HUNK: variants seen among roughly 807,000 people sequenced by gnomAD.
HUNK encodes hormonally up-regulated Neu-associated kinase, also known as hormonally up-regulated neu tumor-associated kinase.
A neutral mutation model predicts 61.0 loss-of-function variants in HUNK; 21 were observed. That is an observed-to-expected ratio of 0.34 (90% CI 0.24 to 0.50). The LOEUF is 0.50. Among genes scored for constraint, HUNK ranks in the 20% least tolerant of loss-of-function variants. The probability of loss-of-function intolerance (pLI) is 0.98; values close to 1 mark genes in which losing one functional copy is unlikely to be tolerated. For missense variants in HUNK, 772 were observed against 945.7 expected (o/e 0.82, Z 2.41); for synonymous variants, 371 against 386.1 (o/e 0.96, Z 0.46).
In HUNK at chr21:31,910,490, C is replaced by CT. The variant is rs34782673; in HGVS notation, c.262-13962dup. On this transcript the variant is annotated intron_variant, in intron 1 of 10. Transcript: ENST00000270112. ...CTGCAGGGATTGGTTTCAGGATATC[C>CT]TTTTTTTTTTTTTTTTGAGACTGAG... Among the ~76,000 whole-genome samples the CT allele has an allele frequency of 4.9e-3, 668 of 136,668 alleles. 1 individual carries two copies. Among genetic ancestry groups the CT allele is most frequent in the South Asian group, 0.015 (62 of 4,132 alleles). 89.7% of individuals were successfully genotyped at this position (136,668 alleles called of 152,430 possible).
intron 3 of HUNK, among the ~76,000 whole-genome samples, chr21:31,943,206 T>A (rs2052780606): frequency 6.6e-6 from 1 of 152,224 alleles, no homozygotes; most frequent in African/African-American, 2.4e-5. Context: ...TAACTAGAAT[T>A]ACCAGGAGTA....
chr21:31,932,091 G>A lies in HUNK; in HGVS notation c.554+7331G>A, dbSNP rs544809693. On this transcript the variant is annotated intron_variant, in intron 2 of 10. Transcript: ENST00000270112. ...CACGTACACTCATGCTCTCCCCCAC[G>A]TGCATGCACATACGTGCACATAGTC... Among the ~76,000 whole-genome samples the A allele has an allele frequency of 3.9e-5, 6 of 152,126 alleles. No individual in the cohort carries two copies. In the South Asian group the frequency reaches 6.2e-4, roughly 16 times the overall value.
At chr21:31,900,882 C>G (rs78690079) in intron 1 of HUNK, among the ~76,000 whole-genome samples, 1 of 152,092 alleles carries the variant, frequency 6.6e-6, no homozygotes, top group Non-Finnish European at 1.5e-5. Context: ...CTTAGAACAA[C>G]GGAAACTGTC....
chr21:31,945,103 G>T (rs928818917), intron 3 of HUNK, among the ~76,000 whole-genome samples: 3 of 152,144 alleles, frequency 2.0e-5, no homozygotes, highest in African/African-American at 7.2e-5. Context: ...CCTGCAGCCC[G>T]AGTCTTCTGT....
At chr21:31,934,614 GT>G (rs2052720147) in intron 2 of HUNK, among the ~76,000 whole-genome samples, 1 of 152,106 alleles carries the variant, frequency 6.6e-6, no homozygotes, top group Non-Finnish European at 1.5e-5. Context: ...CCCAGGTACT[GT>G]GCATAGTACC....
Position 31,873,473 on chromosome 21 carries a change from C to A in HUNK, c.-202C>A. On this transcript the variant is annotated 5_prime_UTR_variant, in exon 1 of 11. In the 5' UTR this introduces an upstream ATG that the reference lacks. Transcript: ENST00000270112. This position sits in a 1 kb window ranked among gnomAD's most constrained non-coding sequence, Gnocchi z 6.1. ...GGCGGGGTCCCCGGTCCCGCGTCCC[C>A]TGGGCAGCCGCTATTGTCTACGCGC... The A allele has an allele frequency of 4.4e-6, 1 of 225,482 alleles. No homozygotes were observed. Among genetic ancestry groups the A allele is most frequent in the Non-Finnish European group, 7.4e-6 (1 of 135,314 alleles). 14.0% of individuals were successfully genotyped at this position (225,482 alleles called of 1,614,324 possible). A position where few individuals can be genotyped will look rare whatever the true frequency, so the allele number is the denominator to read the frequency against.
chr21:31,937,749 A>G (rs971702901), intron 2 of HUNK, among the ~76,000 whole-genome samples: 1 of 152,246 alleles, frequency 6.6e-6, no homozygotes, highest in African/African-American at 2.4e-5. Context: ...ATCAACAGTC[A>G]TTTAATAATT....
Position 31,974,709 on chromosome 21 carries a change from T to A in HUNK, c.1165T>A (p.Leu389Met). 6.2e-7 allele frequency: 1 copy of A among 1,613,324 alleles called. No individual in the cohort carries two copies. The highest frequency in any genetic ancestry group is 8.5e-7 in the Non-Finnish European group (1 of 1,179,638). ...FLLNKKLERY[L>M]SGKSDIQDSL... ...CTTAAACAAGAAACTGGAGCGCTATTTGTCAGGGGTAAGTGCGACCCTAGA... is the reference window on the plus strand; with the variant it reads ...CTTAAACAAGAAACTGGAGCGCTATATGTCAGGGGTAAGTGCGACCCTAGA... Residue 389 changes from leucine to methionine, a missense_variant, in exon 7 of 11, where the codon TTG (leucine) becomes ATG (methionine). Leu to Met is a conservative substitution (Grantham distance 15). This residue lies in a region of HUNK where 413 missense variants were observed against 444.4 expected (regional missense o/e 0.93). Transcript: ENST00000270112.
intron 7 of HUNK, among the ~76,000 whole-genome samples, chr21:31,979,104 A>G (rs1007087217): frequency 3.6e-5 from 3 of 82,784 alleles, no homozygotes; most frequent in African/African-American, 1.9e-4. Context: ...CCTATTGGCC[A>G]TTTCTTTTTT....
intron 1 of HUNK, among the ~76,000 whole-genome samples, chr21:31,913,689 G>C (rs73361270): frequency 1.3e-5 from 2 of 151,700 alleles, no homozygotes; most frequent in African/African-American, 4.9e-5. Flanking sequence ...GGCACTCATG[G>C]GCAGATGGAC....
chr21:32,000,535 C>T lies in HUNK; in HGVS notation c.*1351C>T, dbSNP rs375636473. 1.3e-5 allele frequency: 5 copies of T among 399,264 alleles called. No homozygotes were observed. The highest frequency in any genetic ancestry group is 7.1e-5 in the East Asian group (2 of 28,082). 24.7% of individuals were successfully genotyped at this position (399,264 alleles called of 1,614,324 possible). A position where few individuals can be genotyped will look rare whatever the true frequency, so the allele number is the denominator to read the frequency against. On this transcript the variant is annotated 3_prime_UTR_variant, in exon 11 of 11. Transcript: ENST00000270112. ...GAAGAATCAGAAAAAGAAGACCCATCAGCACAGGTTGGATAGGGGTTAGTG... is the reference window on the plus strand; with the variant it reads ...GAAGAATCAGAAAAAGAAGACCCATTAGCACAGGTTGGATAGGGGTTAGTG...
intron 7 of HUNK, among the ~76,000 whole-genome samples, chr21:31,976,134 G>A (rs1718692951): frequency 6.6e-6 from 1 of 152,056 alleles, no homozygotes; most frequent in African/African-American, 2.4e-5. Flanking sequence ...ATGTTTTATG[G>A]GGGAAAAAAC....
chr21:31,958,785 A>C (rs746267168), intron 4 of HUNK, 58 bp from the exon 5 acceptor site: 1,624 of 1,493,888 alleles, frequency 1.1e-3, no homozygotes, highest in Non-Finnish European at 1.3e-3. Flanking sequence ...CCGTGTCCCC[A>C]GTCTTCCCCT....
intron 1 of HUNK, among the ~76,000 whole-genome samples, chr21:31,918,876 G>A (rs2052603095): frequency 2.0e-5 from 3 of 152,170 alleles, no homozygotes; most frequent in Admixed American, 6.5e-5. Flanking sequence ...GCCATTTTTC[G>A]ACTTACCACA....
chr21:31,916,813 A>T (rs1324684815), intron 1 of HUNK, among the ~76,000 whole-genome samples: 4 of 151,832 alleles, frequency 2.6e-5, no homozygotes, highest in Admixed American at 2.6e-4. Flanking sequence ...AGTAGCTGGG[A>T]CTACAGGCAT....
intron 1 of HUNK, among the ~76,000 whole-genome samples, chr21:31,906,950 G>A (rs1387683820): frequency 6.6e-6 from 1 of 152,106 alleles, no homozygotes; most frequent in Non-Finnish European, 1.5e-5. Flanking sequence ...CAAGGTGGGT[G>A]GATCACCTGA....
chr21:31,897,228 G>A (rs1181716804), intron 1 of HUNK, among the ~76,000 whole-genome samples: 2 of 151,486 alleles, frequency 1.3e-5, no homozygotes, highest in Non-Finnish European at 2.9e-5. Context: ...TGGGTTGACA[G>A]AGCAAGACCC....
intron 1 of HUNK, among the ~76,000 whole-genome samples, chr21:31,880,511 G>A (rs1163084484): frequency 6.6e-6 from 1 of 152,128 alleles, no homozygotes; most frequent in Non-Finnish European, 1.5e-5. Flanking sequence ...TGACTGCAGC[G>A]CTCTGTCTCT....
At chr21:31,903,533 T>G (rs1190580601) in intron 1 of HUNK, among the ~76,000 whole-genome samples, 1 of 152,214 alleles carries the variant, frequency 6.6e-6, no homozygotes, top group Non-Finnish European at 1.5e-5. Context: ...AAAAATTACC[T>G]TTACAGCTAG....
Sources: gnomAD v4.1 joint callset for allele counts (sites outside exome capture counted in the v4.1 genomes callset) on GRCh38, gnomAD v4.1.1 for gene constraint, gnomAD v4.1.1 regional missense constraint, Gnocchi (gnomAD v3.1) non-coding constraint, MANE v1.5 for transcripts, NCBI Gene and HGNC (gene_info 2026-07-23, HGNC 2026-07-21) for gene names.